Variants in FLACC1 observed in about 807,000 individuals in gnomAD.
FLACC1 encodes flagellum-associated coiled-coil domain-containing protein 1.
FLACC1 carries 66 observed loss-of-function variants against 62.8 expected under a neutral mutation model. The ratio of observed to expected loss-of-function variants is 1.05; its 90% confidence interval spans 0.86 to 1.29. The LOEUF (loss-of-function observed/expected upper bound fraction) is 1.29, where lower values mean the gene tolerates loss of function less well. Ranked by LOEUF, FLACC1 falls within the 50% of genes most tolerant of loss-of-function variation. FLACC1 has a pLI of 0.00. For synonymous variants in FLACC1, 156 were observed against 161.0 expected (o/e 0.97, Z 0.24); for missense variants, 452 against 489.1 (o/e 0.92, Z 0.71).
intron 9 of FLACC1, among the ~76,000 whole-genome samples, chr2:201,330,166 A>C (rs1021046358): frequency 2.0e-5 from 3 of 152,242 alleles, no homozygotes; most frequent in African/African-American, 7.2e-5. Flanking sequence ...TACAAATATT[A>C]ACAGGGGTTG....
chr2:201,304,024 C>G (rs1950047996), intron 11 of FLACC1, among the ~76,000 whole-genome samples: 2 of 152,182 alleles, frequency 1.3e-5, no homozygotes, highest in African/African-American at 4.8e-5. Context: ...TGGCAAAAGA[C>G]ATGGATGCCT....
intron 1 of FLACC1, among the ~76,000 whole-genome samples, chr2:201,353,496 G>C (rs1028028819): frequency 1.3e-5 from 2 of 152,226 alleles, no homozygotes; most frequent in Admixed American, 1.3e-4. Flanking sequence ...CAGGTCAGGG[G>C]ATGGGGCAGA....
chr2:201,345,454 G>GTA (rs1311640406), intron 5 of FLACC1, among the ~76,000 whole-genome samples: 1 of 117,278 alleles, frequency 8.5e-6, no homozygotes, highest in Admixed American at 7.6e-5. Context: ...AGATGATTGT[G>GTA]TGTGTGTGTG....
At chr2:201,342,781 G>A (rs1950838137) in intron 6 of FLACC1, among the ~76,000 whole-genome samples, 1 of 152,162 alleles carries the variant, frequency 6.6e-6, no homozygotes. Flanking sequence ...TAATCCAATT[G>A]AGCAATCATT....
chr2:201,304,019 A>C (rs1039173884), intron 11 of FLACC1, among the ~76,000 whole-genome samples: 1 of 152,180 alleles, frequency 6.6e-6, no homozygotes, highest in Non-Finnish European at 1.5e-5. Flanking sequence ...AAAACTGGCA[A>C]AAGACATGGA....
the FLACC1 span, among the ~76,000 whole-genome samples, chr2:201,363,666 A>C: frequency 6.6e-6 from 1 of 152,070 alleles, no homozygotes; most frequent in Non-Finnish European, 1.5e-5. Flanking sequence ...GCTCAGGCAG[A>C]TCTCTAGGCA....
intron 7 of FLACC1, among the ~76,000 whole-genome samples, chr2:201,339,404 A>G (rs1245931476): frequency 6.7e-6 from 1 of 150,282 alleles, no homozygotes; most frequent in Admixed American, 6.6e-5. Flanking sequence ...TTTAGTTTCT[A>G]TTTCGTTTAG....
At chr2:201,319,871 G>C (rs1950370901) in intron 9 of FLACC1, among the ~76,000 whole-genome samples, 1 of 152,166 alleles carries the variant, frequency 6.6e-6, no homozygotes, top group Non-Finnish European at 1.5e-5. Flanking sequence ...GAAAACCAAA[G>C]GAATCTACAG....
In FLACC1 at chr2:201,288,658, T is replaced by C; in HGVS notation, c.1266A>G (p.Ser422=). Residue 422 remains serine (S), a synonymous_variant, in exon 15 of 15, where the codon TCA becomes TCG. Coordinates refer to ENST00000392257, the MANE Select transcript of FLACC1 (RefSeq NM_001127391.3). ...VQDGSKKGQE[S] is the part of the protein sequence containing the mutation. ...ACAATGCAGAGCAACTTTTTGTTTA[T>C]GATTCTTGTCCTTTCTTGCTACCAT... 1 of 1,613,634 alleles carries C rather than the reference T, an allele frequency of 6.2e-7. No homozygotes were observed. The highest frequency in any genetic ancestry group is 8.5e-7 in the Non-Finnish European group (1 of 1,179,776).
Position 201,323,805 on chromosome 2 carries a change from T to TAAAAAAAAAAAAAAAAAAA in FLACC1, c.675+6664_675+6665insTTTTTTTTTTTTTTTTTTT, listed in dbSNP as rs1576447085. Among the ~76,000 whole-genome samples the TAAAAAAAAAAAAAAAAAAA allele has an allele frequency of 3.2e-4, 25 of 79,358 alleles. 1 individual carries two copies. The highest frequency in any genetic ancestry group is 8.2e-4 in the East Asian group (2 of 2,446). 52.1% of individuals were successfully genotyped at this position (79,358 alleles called of 152,430 possible). On this transcript the variant is annotated intron_variant, in intron 9 of 14. Coordinates refer to ENST00000392257, the MANE Select transcript of FLACC1 (RefSeq NM_001127391.3). Reference sequence around the variant, plus strand: ...CTATCAAAAAAAAAAAAAAAAAAAGTAAGGAAGGAAGGAAGGAAAGAAAAG... The same window carrying TAAAAAAAAAAAAAAAAAAA: ...CTATCAAAAAAAAAAAAAAAAAAAGTAAAAAAAAAAAAAAAAAAAAAGGAAGGAAGGAAGGAAAGAAAAG...
chr2:201,341,519 TAG>T (rs1478599178), intron 7 of FLACC1, among the ~76,000 whole-genome samples: 2 of 150,298 alleles, frequency 1.3e-5, no homozygotes, highest in African/African-American at 4.9e-5. Context: ...TATATATAGG[TAG>T]AGTTTATATG....
intron 7 of FLACC1, among the ~76,000 whole-genome samples, chr2:201,331,211 A>G (rs1016388654): frequency 6.6e-6 from 1 of 151,922 alleles, no homozygotes; most frequent in South Asian, 2.1e-4. Context: ...GACTCAAGCA[A>G]TCCTCCTGCG....
chr2:201,292,797 C>T (rs1949767301), intron 12 of FLACC1, among the ~76,000 whole-genome samples: 1 of 151,990 alleles, frequency 6.6e-6, no homozygotes, highest in Non-Finnish European at 1.5e-5. Flanking sequence ...CAGAGACACA[C>T]AGAGGCTCAA....
the FLACC1 span, among the ~76,000 whole-genome samples, chr2:201,363,299 C>T: frequency 6.6e-6 from 1 of 151,712 alleles, no homozygotes; most frequent in Non-Finnish European, 1.5e-5. Flanking sequence ...TGCAAGGGTG[C>T]CCTCTCCACT....
At chr2:201,340,190 C>T (rs1002665288) in intron 7 of FLACC1, among the ~76,000 whole-genome samples, 4 of 152,112 alleles carry the variant, frequency 2.6e-5, no homozygotes, top group Non-Finnish European at 5.9e-5. Context: ...AATCCATTCA[C>T]GCATTCTATT....
chr2:201,301,253 A>C (rs530826645), intron 11 of FLACC1, among the ~76,000 whole-genome samples: 1 of 152,364 alleles, frequency 6.6e-6, no homozygotes, highest in Admixed American at 6.5e-5. Flanking sequence ...GATGGAGCTG[A>C]AAATCATGGC....
intron 8 of FLACC1, 86 bp downstream of exon 8, chr2:201,330,650 T>C: frequency 1.3e-6 from 2 of 1,542,074 alleles, no homozygotes; most frequent in Non-Finnish European, 1.8e-6. Flanking sequence ...AACCTTTGTG[T>C]GCCTTGGAAA....
intron 9 of FLACC1, 104 bp downstream of exon 9, chr2:201,330,363 GAAT>G: frequency 9.0e-7 from 1 of 1,116,952 alleles, no homozygotes. Flanking sequence ...AGGATGCTGG[GAAT>G]CTCAGGACAT....
chr2:201,358,663 C>A (rs1052233834), upstream of FLACC1, among the ~76,000 whole-genome samples: 2 of 151,910 alleles, frequency 1.3e-5, no homozygotes, highest in African/African-American at 4.8e-5. Context: ...GTGATCCGCC[C>A]GCCTCGGCCT....
Sources: allele counts gnomAD v4.1 joint callset (sites outside exome capture counted in the v4.1 genomes callset), GRCh38; gene constraint gnomAD v4.1.1; transcripts MANE v1.5; gene names NCBI Gene and HGNC (gene_info 2026-07-23, HGNC 2026-07-21).